The following SLC45A4 variants were observed in gnomAD, a reference collection of about 807,000 sequenced individuals.
SLC45A4 encodes polyamine-transporter SLC45A4.
A neutral mutation model predicts 63.7 loss-of-function variants in SLC45A4; 32 were observed. The ratio of observed to expected loss-of-function variants is 0.50; its 90% CI spans 0.38 to 0.67. The LOEUF (loss-of-function observed/expected upper bound fraction) is 0.67. Ranked by LOEUF, SLC45A4 falls within the 30% of genes least tolerant of loss-of-function variation. The probability of loss-of-function intolerance (pLI) is 0.00; values close to 1 mark genes in which losing one functional copy is unlikely to be tolerated. For missense variants in SLC45A4, 1,027 were observed against 1,157.7 expected (o/e 0.89, Z 1.64); for synonymous variants, 535 against 510.0 (o/e 1.05, Z -0.66).
rs779103646 is a variant in SLC45A4, at chr8:141,219,738, G to A, written c.522C>T (p.Ala174=). 1 of 1,605,904 alleles carries A rather than the reference G, an allele frequency of 6.2e-7. No individual in the cohort carries two copies. Among genetic ancestry groups the A allele is most frequent in the Non-Finnish European group, 8.5e-7 (1 of 1,176,652 alleles). The change falls in exon 4 of 9, where the codon GCC becomes GCT. Residue 174 remains alanine (A), a synonymous_variant. Transcript: ENST00000517878. ...GVVVLDFSAD[A]TEGPIRAYLL... is the part of the protein sequence containing the mutation. ...GATAGGCACGGATGGGCCCCTCGGTGGCATCGGCGCTGAAGTCCAGGACCA... is the reference window on the plus strand; with the variant it reads ...GATAGGCACGGATGGGCCCCTCGGTAGCATCGGCGCTGAAGTCCAGGACCA...
At chr8:141,244,140 C>T (rs1039969882) in intron 2 of SLC45A4, among the ~76,000 whole-genome samples, 70 of 152,112 alleles carry the variant, frequency 4.6e-4, no homozygotes, top group African/African-American at 9.9e-4. Context: ...TGGTGCGCTC[C>T]GCCTGTCCTG....
At chr8:141,275,619 A>C (rs141795860) in intron 1 of SLC45A4, among the ~76,000 whole-genome samples, 39 of 152,196 alleles carry the variant, frequency 2.6e-4, no homozygotes, top group South Asian at 8.3e-4. Flanking sequence ...CAAAAAAAAA[A>C]AACAACAACA....
chr8:141,305,934 A>T (rs1376698715), intron 1 of SLC45A4, among the ~76,000 whole-genome samples: 2 of 152,152 alleles, frequency 1.3e-5, no homozygotes, highest in Non-Finnish European at 2.9e-5. Context: ...CCTTCCCTGC[A>T]GATCTGCGGG....
chr8:141,268,670 C>A (rs942892739), intron 1 of SLC45A4, among the ~76,000 whole-genome samples: 3 of 152,160 alleles, frequency 2.0e-5, no homozygotes, highest in Admixed American at 6.5e-5. Flanking sequence ...ATAAGGCAAT[C>A]AAAAACTCCT....
chr8:141,228,648 G>A, intron 2 of SLC45A4: 1 of 1,056,832 alleles, frequency 9.5e-7, no homozygotes, highest in Non-Finnish European at 1.2e-6. Context: ...ACACAGTGAT[G>A]TTATCGTAGC....
chr8:141,238,069 TG>T (rs916966402), intron 2 of SLC45A4, among the ~76,000 whole-genome samples: 3 of 152,232 alleles, frequency 2.0e-5, no homozygotes, highest in Non-Finnish European at 2.9e-5. Context: ...CCCACATACG[TG>T]GTTCTCCCTC....
intron 2 of SLC45A4, among the ~76,000 whole-genome samples, chr8:141,248,598 G>A (rs1450069620): frequency 1.3e-5 from 2 of 152,050 alleles, no homozygotes; most frequent in African/African-American, 2.4e-5. Flanking sequence ...AATAAAAGTG[G>A]CTCATGCCTG....
chr8:141,288,784 C>T (rs1830246654), intron 1 of SLC45A4, among the ~76,000 whole-genome samples: 1 of 152,210 alleles, frequency 6.6e-6, no homozygotes, highest in African/African-American at 2.4e-5. Context: ...CTACTTCATG[C>T]AGAGCCACTG....
At chr8:141,243,115 C>CTT (rs1827998663) in intron 2 of SLC45A4, among the ~76,000 whole-genome samples, 1 of 152,234 alleles carries the variant, frequency 6.6e-6, no homozygotes, top group African/African-American at 2.4e-5. Flanking sequence ...TGAGCACCAC[C>CTT]TTGCAGCAAC....
intron 1 of SLC45A4, among the ~76,000 whole-genome samples, chr8:141,255,104 T>C (rs1171297412): frequency 6.6e-6 from 1 of 152,174 alleles, no homozygotes; most frequent in Non-Finnish European, 1.5e-5. Flanking sequence ...AAAAGTTTAA[T>C]TTGTTAGTGA....
At chr8:141,272,470 T>C (rs769336525) in intron 1 of SLC45A4, among the ~76,000 whole-genome samples, 42 of 152,316 alleles carry the variant, frequency 2.8e-4, no homozygotes, top group East Asian at 5.8e-4. Context: ...GTGACTGGTT[T>C]CACAGCTTCC....
At chr8:141,246,957 T>C (rs537640982) in intron 2 of SLC45A4, among the ~76,000 whole-genome samples, 4 of 151,618 alleles carry the variant, frequency 2.6e-5, no homozygotes, top group South Asian at 2.1e-4. Context: ...CATCTAATAA[T>C]AGAAAAATAA....
intron 1 of SLC45A4, among the ~76,000 whole-genome samples, chr8:141,295,440 T>G (rs1830508052): frequency 6.6e-6 from 1 of 152,188 alleles, no homozygotes; most frequent in African/African-American, 2.4e-5. Flanking sequence ...AAAATGGAGA[T>G]AACAGCGCAT....
Position 141,218,448 on chromosome 8 carries a change from A to T in SLC45A4, c.1192T>A (p.Tyr398Asn). Residue 398 changes from tyrosine to asparagine, a missense_variant, in exon 5 of 9, where the codon TAC (tyrosine) becomes AAC (asparagine). Transcript: ENST00000517878. ...GSPTKDALGG[Y>N]TRVDTKPSAT... Reference sequence around the variant, plus strand: ...GAGGGCTTCGTGTCCACCCTGGTGTAGCCGCCGAGGGCGTCTTTTGTGGGG... The same window carrying T: ...GAGGGCTTCGTGTCCACCCTGGTGTTGCCGCCGAGGGCGTCTTTTGTGGGG... 1 of 1,612,636 alleles carries T rather than the reference A, an allele frequency of 6.2e-7. No individual in the cohort carries two copies. The highest frequency in any genetic ancestry group is 8.5e-7 in the Non-Finnish European group (1 of 1,179,916).
intron 1 of SLC45A4, among the ~76,000 whole-genome samples, chr8:141,304,070 A>G (rs1336549712): frequency 6.6e-6 from 1 of 151,896 alleles, no homozygotes; most frequent in Non-Finnish European, 1.5e-5. Flanking sequence ...CTCACTAGAC[A>G]GGAAGGTGGG....
In SLC45A4 at chr8:141,212,145, C is replaced by G. The variant is rs1189664683; in HGVS notation, c.2301+52G>C. 6 of 955,852 alleles carry G rather than the reference C, an allele frequency of 6.3e-6. No individual in the cohort carries two copies. In the African/African-American group the frequency reaches 7.1e-5, roughly 11 times the overall value. The allele number at this position is 955,852 out of a possible 1,614,324, so 59.2% of individuals were successfully genotyped here. ...CCATGGCCTGGCCCCGCCGCCCGCC[C>G]GCCCGCCCACCCGCCCACTGGAATG... On this transcript the variant is annotated intron_variant, in intron 8 of 8. Transcript: ENST00000517878.
chr8:141,233,910 C>T (rs778571584), intron 2 of SLC45A4, among the ~76,000 whole-genome samples: 6 of 152,176 alleles, frequency 3.9e-5, no homozygotes, highest in Admixed American at 1.3e-4. Flanking sequence ...GAGGCCAGCA[C>T]TAGGGCCCCA....
At chr8:141,265,653 C>T (rs373751475) in intron 1 of SLC45A4, among the ~76,000 whole-genome samples, 1 of 152,236 alleles carries the variant, frequency 6.6e-6, no homozygotes, top group Admixed American at 6.5e-5. Flanking sequence ...AGGGAGGTCA[C>T]GCTCCTCCTT....
intron 2 of SLC45A4, chr8:141,230,115 G>C: frequency 2.2e-6 from 1 of 456,286 alleles, no homozygotes; most frequent in South Asian, 1.5e-5. Flanking sequence ...GGCCGCATTA[G>C]ACTATTTTCC....
Sources: allele counts gnomAD v4.1 joint callset (sites outside exome capture counted in the v4.1 genomes callset), GRCh38; gene constraint gnomAD v4.1.1; transcripts MANE v1.5; gene names NCBI Gene and HGNC (gene_info 2026-07-23, HGNC 2026-07-21).